Variants in DRC9 observed in about 807,000 individuals in gnomAD.
DRC9 encodes dynein regulatory complex protein 9.
chr3:197,894,967 G>T, the DRC9 span, among the ~76,000 whole-genome samples: 2 of 151,962 alleles, frequency 1.3e-5, no homozygotes, highest in Non-Finnish European at 2.9e-5. Flanking sequence ...CCGAGGCAGG[G>T]TGATTACTTC....
the DRC9 span, among the ~76,000 whole-genome samples, chr3:197,907,512 A>G: frequency 6.6e-6 from 1 of 152,234 alleles, no homozygotes; most frequent in Non-Finnish European, 1.5e-5. Flanking sequence ...TGTTGGATCT[A>G]ACACTCTTAG....
the DRC9 span, among the ~76,000 whole-genome samples, chr3:197,918,399 T>C: frequency 0.25 from 37,563 of 151,228 alleles, 5,858 homozygotes; most frequent in African/African-American, 0.45. Context: ...CCACTGTGCC[T>C]GGTATAGGTT....
chr3:197,942,877 G>A, the DRC9 span, among the ~76,000 whole-genome samples: 1 of 142,770 alleles, frequency 7.0e-6, no homozygotes. Flanking sequence ...TGGGCAACAA[G>A]AGCGAAACTC....
chr3:197,926,244 C>G, the DRC9 span: 1 of 606,138 alleles, frequency 1.6e-6, no homozygotes, highest in African/African-American at 1.9e-5. Flanking sequence ...TGGGAGGGGC[C>G]TGAAGTGTGC....
the DRC9 span, chr3:197,892,809 G>C: frequency 1.9e-6 from 3 of 1,606,272 alleles, no homozygotes; most frequent in Admixed American, 1.7e-5. Flanking sequence ...ACAAAACGCT[G>C]TATACTGTAT....
chr3:197,912,965 T>G, the DRC9 span: 2 of 535,650 alleles, frequency 3.7e-6, no homozygotes, highest in Middle Eastern at 5.2e-4. Context: ...ACGAGCACAA[T>G]CCCGTGAGCT....
At chr3:197,956,008 G>A in the DRC9 span, 3 of 518,624 alleles carry the variant, frequency 5.8e-6, no homozygotes, top group Non-Finnish European at 1.1e-5. Context: ...TTGCTCTGTT[G>A]CCCATGCTGG....
At chr3:197,926,434 GA>G in the DRC9 span, among the ~76,000 whole-genome samples, 1 of 152,200 alleles carries the variant, frequency 6.6e-6, no homozygotes, top group Admixed American at 6.5e-5. Flanking sequence ...AGCAAGAGGA[GA>G]AAGAAGAATC....
At chr3:197,901,229 CTG>C in the DRC9 span, among the ~76,000 whole-genome samples, 76 of 152,288 alleles carry the variant, frequency 5.0e-4, no homozygotes, top group African/African-American at 1.7e-3. This position sits in a 1 kb window ranked among gnomAD's most constrained non-coding sequence, Gnocchi z 4.4. Context: ...ACCTCCACCT[CTG>C]GGGTTCAAGC....
At chr3:197,901,830 C>T in the DRC9 span, among the ~76,000 whole-genome samples, 9 of 152,222 alleles carry the variant, frequency 5.9e-5, no homozygotes, top group African/African-American at 2.2e-4. The surrounding 1 kb of genome is among the most constrained non-coding windows in gnomAD (Gnocchi z 4.4). Flanking sequence ...AGGATACAAG[C>T]CTGGCTGATT....
chr3:197,956,915 A>G, the DRC9 span: 1 of 152,150 alleles, frequency 6.6e-6, no homozygotes, highest in African/African-American at 2.4e-5. Flanking sequence ...TCTACAGCAC[A>G]GGTAGTTTTT....
the DRC9 span, among the ~76,000 whole-genome samples, chr3:197,897,937 ATT>A: frequency 7.5e-5 from 10 of 133,034 alleles, no homozygotes; most frequent in Non-Finnish European, 7.9e-5. Flanking sequence ...CGCCCAGCTA[ATT>A]TTTTTTTTTT....
chr3:197,950,720 T>C, the DRC9 span: 45 of 587,236 alleles, frequency 7.7e-5, 1 homozygote, highest in African/African-American at 8.4e-4. Flanking sequence ...TAGTTTTGTC[T>C]TCATTCTGAA....
At chr3:197,954,014 C>A in the DRC9 span, 1 of 1,613,112 alleles carries the variant, frequency 6.2e-7, no homozygotes, top group Non-Finnish European at 8.5e-7. Context: ...AACACAGTCA[C>A]TCCTGGCGGC....
chr3:197,923,780 C>A, the DRC9 span, among the ~76,000 whole-genome samples: 2 of 152,114 alleles, frequency 1.3e-5, no homozygotes, highest in African/African-American at 4.8e-5. Context: ...TAAAAATATT[C>A]TCTCAGCTGG....
the DRC9 span, among the ~76,000 whole-genome samples, chr3:197,909,545 C>T: frequency 1.3e-5 from 2 of 152,162 alleles, no homozygotes; most frequent in African/African-American, 4.8e-5. Context: ...AATCTACTGA[C>T]AGAATGGTTC....
the DRC9 span, among the ~76,000 whole-genome samples, chr3:197,895,909 A>G: frequency 6.9e-6 from 1 of 145,034 alleles, no homozygotes; most frequent in South Asian, 2.2e-4. Flanking sequence ...CAGGATGCGG[A>G]GGTTGCAGTG....
the DRC9 span, among the ~76,000 whole-genome samples, chr3:197,945,283 G>A: frequency 6.6e-5 from 10 of 152,194 alleles, no homozygotes; most frequent in South Asian, 2.1e-3. Flanking sequence ...ATGAAGGTAA[G>A]GAACTAAGGC....
the DRC9 span, among the ~76,000 whole-genome samples, chr3:197,941,255 C>CT: frequency 2.3e-4 from 29 of 127,242 alleles, no homozygotes; most frequent in African/African-American, 8.3e-4. Context: ...CCCTCCCTTC[C>CT]CCCTCCCTCC....
Sources: allele counts gnomAD v4.1 joint callset (sites outside exome capture counted in the v4.1 genomes callset), GRCh38; gene constraint gnomAD v4.1.1; non-coding constraint Gnocchi (gnomAD v3.1); transcripts MANE v1.5; gene names NCBI Gene and HGNC (gene_info 2026-07-23, HGNC 2026-07-21).